The following TMEFF2 variants were observed in gnomAD, a reference collection of about 807,000 sequenced individuals.
TMEFF2 encodes the protein transmembrane protein with EGF like and two follistatin like domains 2.
TMEFF2 carries 28 observed loss-of-function variants against 53.8 expected under a neutral mutation model. That is an observed-to-expected ratio of 0.52 (90% CI 0.39 to 0.71). TMEFF2 has a LOEUF of 0.71. TMEFF2 is among the 30% of genes least tolerant of loss of function. The pLI, the probability that TMEFF2 is intolerant of heterozygous loss-of-function variation, is 0.00. For synonymous variants in TMEFF2, 162 were observed against 166.3 expected (o/e 0.97, Z 0.20); for missense variants, 353 against 455.2 (o/e 0.78, Z 2.04).
chr2:192,045,038 C>T (rs1687581302), intron 5 of TMEFF2, among the ~76,000 whole-genome samples: 1 of 152,178 alleles, frequency 6.6e-6, no homozygotes, highest in Admixed American at 6.5e-5. Flanking sequence ...GCACCCACTC[C>T]TATTACAGGA....
intron 5 of TMEFF2, chr2:192,028,652 T>G (rs1687037104): frequency 6.6e-6 from 1 of 152,038 alleles, no homozygotes; most frequent in African/African-American, 2.4e-5. Flanking sequence ...GTAGGCAGAG[T>G]TGGTAGAATG....
chr2:191,990,922 A>T (rs1360337497), intron 7 of TMEFF2, among the ~76,000 whole-genome samples: 1 of 152,012 alleles, frequency 6.6e-6, no homozygotes, highest in East Asian at 1.9e-4. Flanking sequence ...TATGGACTAG[A>T]GTATAAGTGA....
At chr2:191,952,451 A>G (rs1691914459) in intron 9 of TMEFF2, among the ~76,000 whole-genome samples, 3 of 152,174 alleles carry the variant, frequency 2.0e-5, no homozygotes. Context: ...AATATGGCAT[A>G]GTTTCCTATG....
chr2:192,108,745 G>A (rs1264151629), intron 4 of TMEFF2, among the ~76,000 whole-genome samples: 1 of 151,932 alleles, frequency 6.6e-6, no homozygotes, highest in Admixed American at 6.6e-5. Flanking sequence ...ATACCTGTAC[G>A]CCAATATTCA....
chr2:191,988,990 C>T (rs1225009303), intron 7 of TMEFF2, among the ~76,000 whole-genome samples: 1 of 152,084 alleles, frequency 6.6e-6, no homozygotes, highest in Non-Finnish European at 1.5e-5. Context: ...TGCTGATCTA[C>T]CATAGGAAAA....
chr2:192,088,905 G>C (rs965127043), intron 4 of TMEFF2, among the ~76,000 whole-genome samples: 2 of 152,050 alleles, frequency 1.3e-5, no homozygotes, highest in Non-Finnish European at 2.9e-5. Flanking sequence ...CCTAGCTCAA[G>C]CTATTAATCA....
At chr2:192,164,129 T>TA (rs1690697224) in intron 4 of TMEFF2, among the ~76,000 whole-genome samples, 3 of 152,216 alleles carry the variant, frequency 2.0e-5, no homozygotes, top group South Asian at 2.1e-4. Context: ...CGGATTATAT[T>TA]ACTGTCTTCC....
intron 4 of TMEFF2, among the ~76,000 whole-genome samples, chr2:192,160,747 T>C (rs971703186): frequency 4.6e-5 from 7 of 151,942 alleles, no homozygotes; most frequent in African/African-American, 1.7e-4. Context: ...ACAGGAAATA[T>C]AAGATAAATG....
chr2:192,119,301 T>C (rs1014224553), intron 4 of TMEFF2, among the ~76,000 whole-genome samples: 1 of 152,220 alleles, frequency 6.6e-6, no homozygotes, highest in Non-Finnish European at 1.5e-5. Flanking sequence ...TTTTGCATAA[T>C]TGAGGTTCAA....
chr2:192,066,994 T>C (rs905667273), intron 4 of TMEFF2, among the ~76,000 whole-genome samples: 2 of 151,830 alleles, frequency 1.3e-5, no homozygotes, highest in African/African-American at 4.8e-5. Flanking sequence ...TTATAAACAA[T>C]CGCTTGGGCT....
rs548715559 is a variant in TMEFF2, at chr2:192,076,775, G to A, written c.440-19000C>T. ...TTGATATTGTGGAACTCAGGCTCTG[G>A]GGCAGGGTGTCCCACCACAGATGGT... is the stretch of plus-strand genomic sequence containing the variant. On this transcript the variant is annotated intron_variant, in intron 4 of 9. Transcript: ENST00000272771. Among the ~76,000 whole-genome samples the A allele has an allele frequency of 2.0e-5, 3 of 152,250 alleles. No individual in the cohort carries two copies. The East Asian group carries it at 5.8e-4, about 30-fold the overall frequency.
intron 5 of TMEFF2, among the ~76,000 whole-genome samples, chr2:192,015,030 A>G (rs1474054741): frequency 6.6e-6 from 1 of 152,194 alleles, no homozygotes. Context: ...TGCAAAGCGG[A>G]TAATACCTCC....
intron 5 of TMEFF2, among the ~76,000 whole-genome samples, chr2:192,054,824 T>G (rs1687862986): frequency 6.6e-6 from 1 of 152,160 alleles, no homozygotes; most frequent in African/African-American, 2.4e-5. Flanking sequence ...ACTTTAAAAC[T>G]CAGTTTTCTC....
chr2:191,950,669 A>C (rs965728391), intron 9 of TMEFF2, among the ~76,000 whole-genome samples: 1 of 152,210 alleles, frequency 6.6e-6, no homozygotes, highest in African/African-American at 2.4e-5. Context: ...CTGCTTACTC[A>C]TTAAGGCACA....
chr2:192,093,128 T>C (rs1688828037), intron 4 of TMEFF2, among the ~76,000 whole-genome samples: 2 of 152,162 alleles, frequency 1.3e-5, no homozygotes, highest in Admixed American at 6.6e-5. Flanking sequence ...GCTGTTCTCT[T>C]TTAGCTTTAT....
chr2:192,056,997 A>G (rs149240379), intron 5 of TMEFF2, among the ~76,000 whole-genome samples: 58 of 152,296 alleles, frequency 3.8e-4, no homozygotes, highest in African/African-American at 1.3e-3. Flanking sequence ...GTATTTTGTT[A>G]TAGAAACCCA....
chr2:192,132,050 C>T (rs1427604524), intron 4 of TMEFF2, among the ~76,000 whole-genome samples: 2 of 152,184 alleles, frequency 1.3e-5, no homozygotes, highest in Admixed American at 6.5e-5. Flanking sequence ...CAACCCCAAG[C>T]GTCACTGAGT....
At chr2:192,039,809 G>T (rs141406917) in intron 5 of TMEFF2, among the ~76,000 whole-genome samples, 1 of 152,124 alleles carries the variant, frequency 6.6e-6, no homozygotes, top group African/African-American at 2.4e-5. Context: ...ATTCACATTA[G>T]ATATTTTAGA....
At chr2:192,090,544 T>TC (rs1310614587) in intron 4 of TMEFF2, among the ~76,000 whole-genome samples, 1 of 152,114 alleles carries the variant, frequency 6.6e-6, no homozygotes, top group Admixed American at 6.6e-5. Context: ...CATCTTGCCA[T>TC]CCCTAGTCTC....
Sources: allele counts gnomAD v4.1 joint callset (sites outside exome capture counted in the v4.1 genomes callset), GRCh38; gene constraint gnomAD v4.1.1; transcripts MANE v1.5; gene names NCBI Gene and HGNC (gene_info 2026-07-23, HGNC 2026-07-21).